Variants in MTREX observed in about 807,000 individuals in gnomAD.
MTREX encodes Mtr4 exosome RNA helicase.
In MTREX, 76 loss-of-function variants were observed where a neutral mutation model predicts 135.4. The ratio of observed to expected loss-of-function variants is 0.56; its 90% CI spans 0.47 to 0.68. The LOEUF is 0.68. MTREX is among the 30% of genes least tolerant of loss of function. The pLI is 0.00. For synonymous variants in MTREX, 404 were observed against 401.6 expected, an observed-to-expected ratio of 1.01 and a Z score of -0.07; for missense variants, 920 against 1,262.1, an observed-to-expected ratio of 0.73 and a Z score of 4.11.
intron 5 of MTREX, among the ~76,000 whole-genome samples, chr5:55,337,790 G>GTTT (rs143867703): frequency 1.6e-4 from 24 of 146,750 alleles, no homozygotes; most frequent in South Asian, 1.3e-3. Context: ...TATTTCTCAT[G>GTTT]TTTTTTTTTT....
At chr5:55,316,913 C>A (rs1749207877) in intron 1 of MTREX, among the ~76,000 whole-genome samples, 1 of 152,150 alleles carries the variant, frequency 6.6e-6, no homozygotes, top group African/African-American at 2.4e-5. Context: ...AGCTGACAAA[C>A]AACTTCAGCA....
intron 1 of MTREX, among the ~76,000 whole-genome samples, chr5:55,308,375 C>T (rs760672905): frequency 6.6e-6 from 1 of 152,026 alleles, no homozygotes. Context: ...CTTCAATTCC[C>T]TTACGTCGAT....
chr5:55,423,120 C>A (rs1031206691), intron 26 of MTREX, 138 bp downstream of exon 26: 2 of 634,288 alleles, frequency 3.2e-6, no homozygotes, highest in Non-Finnish European at 5.5e-6. Flanking sequence ...ACTAGTGTTT[C>A]TATAAAATTT....
intron 15 of MTREX, among the ~76,000 whole-genome samples, chr5:55,360,290 T>C (rs541805810): frequency 6.6e-6 from 1 of 152,328 alleles, no homozygotes; most frequent in East Asian, 1.9e-4. Flanking sequence ...TTCATTCCTT[T>C]TCATTGCTGA....
At chr5:55,421,064 A>G (rs1248118454) in intron 25 of MTREX, among the ~76,000 whole-genome samples, 1 of 152,244 alleles carries the variant, frequency 6.6e-6, no homozygotes, top group Non-Finnish European at 1.5e-5. Flanking sequence ...AAAATTTTGT[A>G]ACAAACCAGT....
chr5:55,321,140 A>C (rs1196515571), intron 1 of MTREX, among the ~76,000 whole-genome samples: 1 of 152,206 alleles, frequency 6.6e-6, no homozygotes, highest in East Asian at 1.9e-4. Flanking sequence ...GTATTTAAAA[A>C]AATTTTAATC....
At chr5:55,371,834 A>G (rs1750208230) in intron 16 of MTREX, among the ~76,000 whole-genome samples, 1 of 151,988 alleles carries the variant, frequency 6.6e-6, no homozygotes, top group African/African-American at 2.4e-5. Flanking sequence ...AAAGTTAATA[A>G]TTTTCTGGAG....
intron 5 of MTREX, 33 bp downstream of exon 5, chr5:55,328,844 T>G: frequency 7.2e-7 from 1 of 1,380,838 alleles, no homozygotes; most frequent in Non-Finnish European, 1.0e-6. Flanking sequence ...TCACTTTGTT[T>G]CTTATTTCAC....
intron 21 of MTREX, among the ~76,000 whole-genome samples, chr5:55,402,528 G>T (rs957273947): frequency 2.0e-5 from 3 of 152,206 alleles, no homozygotes; most frequent in Non-Finnish European, 4.4e-5. Context: ...ACCTTGTCTG[G>T]CTGAAGGGAC....
chr5:55,404,217 C>A (rs1296845421), intron 21 of MTREX, among the ~76,000 whole-genome samples: 15 of 152,174 alleles, frequency 9.9e-5, no homozygotes, highest in African/African-American at 3.6e-4. Flanking sequence ...CAAAACTTTT[C>A]TGTCGGTGTT....
intron 17 of MTREX, 51 bp downstream of exon 17, chr5:55,378,537 T>G (rs1750344002): frequency 1.3e-6 from 2 of 1,517,478 alleles, no homozygotes; most frequent in Non-Finnish European, 1.8e-6. Context: ...TATTTAAACA[T>G]ATTTTTGTTA....
chr5:55,409,480 A>T (rs933138609), intron 22 of MTREX, among the ~76,000 whole-genome samples: 1 of 152,230 alleles, frequency 6.6e-6, no homozygotes, highest in Non-Finnish European at 1.5e-5. Flanking sequence ...GAGATGATGA[A>T]GAAATTTTTT....
Position 55,328,340 on chromosome 5 carries a change from A to G in MTREX, c.403-359A>G, listed in dbSNP as rs576603429. On this transcript the variant is annotated intron_variant, in intron 4 of 26. Coordinates refer to ENST00000230640, the MANE Select transcript of MTREX (RefSeq NM_015360.5). ...GTTCCTACCTATGAAAGGAAATAAT[A>G]TCTATGATAGGGGTTGTTGTGAAAA... Among the ~76,000 whole-genome samples the G allele has an allele frequency of 1.8e-4, 28 of 152,312 alleles. No homozygotes were observed. In the South Asian group the frequency reaches 2.3e-3, roughly 12 times the overall value.
At chr5:55,382,848 G>A (rs1750417851) in intron 18 of MTREX, among the ~76,000 whole-genome samples, 1 of 152,106 alleles carries the variant, frequency 6.6e-6, no homozygotes, top group African/African-American at 2.4e-5. Flanking sequence ...TGGCCAGACT[G>A]ATGTCAAACT....
intron 20 of MTREX, among the ~76,000 whole-genome samples, chr5:55,399,190 C>A (rs573371638): frequency 3.9e-5 from 6 of 152,128 alleles, no homozygotes; most frequent in Non-Finnish European, 7.4e-5. Flanking sequence ...TATGCACTTA[C>A]CAGAGATATC....
Position 55,425,330 on chromosome 5 carries a change from A to G in MTREX, c.*558A>G. On this transcript the variant is annotated 3_prime_UTR_variant, in exon 27 of 27. Coordinates refer to ENST00000230640, the MANE Select transcript of MTREX (RefSeq NM_015360.5). ...TTCTTTGAAGAAATCCGATACATAT[A>G]CAGCCTACAGTGCAAAATATTTAAT... 6.3e-7 allele frequency: 1 copy of G among 1,598,268 alleles called. No individual in the cohort carries two copies.
rs761643801 is a variant in MTREX at position 55,378,413 on chromosome 5, G to GT, written c.1911dup (p.Lys638Ter). The GT allele has an allele frequency of 6.2e-7, 1 of 1,612,190 alleles. No homozygotes were observed. The highest frequency in any genetic ancestry group is 8.5e-7 in the Non-Finnish European group (1 of 1,179,418). Reference sequence around the variant, plus strand: ...ATTAGACAGCAGCTTGCCAAATTGGGTAAAGAAATTGAAGAATATATTCAC... The same window carrying GT: ...ATTAGACAGCAGCTTGCCAAATTGGGTTAAAGAAATTGAAGAATATATTCAC... On this transcript the variant is annotated frameshift_variant, in exon 17 of 27. Transcript: ENST00000230640. LOFTEE classifies it high-confidence loss of function.
At chr5:55,361,551 TGCAA>T (rs1750010385) in intron 15 of MTREX, among the ~76,000 whole-genome samples, 1 of 152,182 alleles carries the variant, frequency 6.6e-6, no homozygotes, top group Admixed American at 6.5e-5. Context: ...ACTTGGTCAC[TGCAA>T]GTGATTCTCC....
intron 16 of MTREX, 135 bp from the exon 17 acceptor site, chr5:55,378,178 GA>G (rs1322257476): frequency 5.1e-6 from 5 of 984,648 alleles, no homozygotes; most frequent in African/African-American, 1.7e-5. Flanking sequence ...AACACATAGA[GA>G]CTTACAGGAA....
Sources: allele counts gnomAD v4.1 joint callset (sites outside exome capture counted in the v4.1 genomes callset), GRCh38; gene constraint gnomAD v4.1.1; transcripts MANE v1.5; gene names NCBI Gene and HGNC (gene_info 2026-07-23, HGNC 2026-07-21).